PIAS2: variants seen among roughly 807,000 people sequenced by gnomAD.
PIAS2 encodes the protein E3 SUMO-protein ligase PIAS2.
In PIAS2, 19 loss-of-function variants were observed where a neutral mutation model predicts 69.7. The ratio of observed to expected loss-of-function variants is 0.27; its 90% confidence interval spans 0.19 to 0.40. The LOEUF is 0.40. Among genes scored for constraint, PIAS2 ranks in the 10% least tolerant of loss-of-function variants. The probability of loss-of-function intolerance (pLI) is 1.00; values close to 1 mark genes in which losing one functional copy is unlikely to be tolerated. For synonymous variants in PIAS2, 261 were observed against 263.2 expected (o/e 0.99, Z 0.08); for missense variants, 624 against 757.0 (o/e 0.82, Z 2.06).
chr18:46,881,989 C>T (rs2052346148), intron 2 of PIAS2, among the ~76,000 whole-genome samples: 1 of 151,852 alleles, frequency 6.6e-6, no homozygotes, highest in Non-Finnish European at 1.5e-5. Flanking sequence ...CCCAGCTACT[C>T]GGGAGGCTGA....
chr18:46,832,795 G>C (rs552224169), intron 9 of PIAS2, among the ~76,000 whole-genome samples: 4 of 151,530 alleles, frequency 2.6e-5, no homozygotes, highest in Non-Finnish European at 5.9e-5. Flanking sequence ...GGGAGGCTGA[G>C]GCAGGAGAAT....
Position 46,805,543 on chromosome 18 carries a change from G to C in PIAS2, c.*6890C>G, listed in dbSNP as rs575051566. 4 of 152,310 alleles carry C rather than the reference G, an allele frequency of 2.6e-5. No individual in the cohort carries two copies. Among genetic ancestry groups the C allele is most frequent in the African/African-American group, 9.6e-5 (4 of 41,548 alleles). 9.4% of individuals were successfully genotyped at this position (152,310 alleles called of 1,614,324 possible). A position where few individuals can be genotyped will look rare whatever the true frequency, so the allele number is the denominator to read the frequency against. ...TTAGAGACGTGTAACGATGCAGTAGGGGGGAAGGACAGCAACCACTGTATC... is the reference window on the plus strand; with the variant it reads ...TTAGAGACGTGTAACGATGCAGTAGCGGGGAAGGACAGCAACCACTGTATC... On this transcript the variant is annotated 3_prime_UTR_variant, in exon 14 of 14. Coordinates refer to ENST00000585916, the MANE Select transcript of PIAS2 (RefSeq NM_004671.5).
chr18:46,906,000 G>A lies in PIAS2; in HGVS notation c.24+11322C>T, dbSNP rs1462390559. ...GAAAAAAAGGAACAGATAGATCAGG[G>A]TTGAATTTATACTTGCAACACAAAG... On this transcript the variant is annotated intron_variant, in intron 1 of 13. Transcript: ENST00000585916. 7 of 152,108 alleles carry A rather than the reference G, an allele frequency of 4.6e-5. No individual in the cohort carries two copies. The East Asian group carries it at 1.4e-3, about 29-fold the overall frequency. 9.4% of individuals were successfully genotyped at this position (152,108 alleles called of 1,614,324 possible). A position where few individuals can be genotyped will look rare whatever the true frequency, so the allele number is the denominator to read the frequency against.
At position 46,824,634 on chromosome 18, in the gene PIAS2, C is replaced by T. The variant is rs2042590134; in HGVS notation, c.1508+3325G>A. On this transcript the variant is annotated intron_variant, in intron 11 of 13. Transcript: ENST00000585916. Reference sequence around the variant, plus strand: ...TTCTCTCTAGGTGAGATATTTTTTGCTTTCTTCTTGGTGCTTTGTAAAATT... The same window carrying T: ...TTCTCTCTAGGTGAGATATTTTTTGTTTTCTTCTTGGTGCTTTGTAAAATT... Among the ~76,000 whole-genome samples the T allele has an allele frequency of 2.6e-5, 4 of 152,134 alleles. No individual in the cohort carries two copies. In the South Asian group the frequency reaches 8.3e-4, roughly 32 times the overall value.
At chr18:46,823,601 T>C (rs2042442944) in intron 11 of PIAS2, among the ~76,000 whole-genome samples, 2 of 152,202 alleles carry the variant, frequency 1.3e-5, no homozygotes, top group Admixed American at 1.3e-4. Flanking sequence ...TACTCCTTAC[T>C]TAGGCAACAC....
At chr18:46,880,213 T>C (rs2051985724) in intron 2 of PIAS2, among the ~76,000 whole-genome samples, 1 of 151,650 alleles carries the variant, frequency 6.6e-6, no homozygotes, top group African/African-American at 2.4e-5. Context: ...CTAGGGAAGA[T>C]GGCAAGACCT....
At position 46,815,466 on chromosome 18, in the gene PIAS2, T is replaced by C. The variant is rs2041411316; in HGVS notation, c.1649-117A>G. The C allele has an allele frequency of 1.9e-6, 3 of 1,549,854 alleles. No individual in the cohort carries two copies. The East Asian group carries it at 6.9e-5, about 36-fold the overall frequency. ...TTTGTGGTAAGTGCTTACCACTCTGTCACAGAGAAGTTCTATACCATGATC... is the reference window on the plus strand; with the variant it reads ...TTTGTGGTAAGTGCTTACCACTCTGCCACAGAGAAGTTCTATACCATGATC... On this transcript the variant is annotated intron_variant, in intron 12 of 13. Transcript: ENST00000585916.
intron 2 of PIAS2, among the ~76,000 whole-genome samples, chr18:46,869,435 C>T (rs1821346536): frequency 6.6e-6 from 1 of 151,182 alleles, no homozygotes. Context: ...GGGATTGAGC[C>T]TCAGCAAGCC....
intron 1 of PIAS2, among the ~76,000 whole-genome samples, chr18:46,900,256 G>A (rs983692632): frequency 2.6e-5 from 4 of 151,906 alleles, no homozygotes; most frequent in Non-Finnish European, 4.4e-5. Flanking sequence ...CCAGCTACTC[G>A]GGAGGCTGAG....
In PIAS2 at chr18:46,810,441, A is replaced by G. The variant is rs758343878; in HGVS notation, c.*1992T>C. The stretch of plus-strand genomic sequence containing the variant: ...CAGAGTCAATAAATATTGCATCTGT[A>G]TTTAGAGCAGCAACATAAAACTTTA... On this transcript the variant is annotated 3_prime_UTR_variant, in exon 14 of 14. Transcript: ENST00000585916. 10 of 152,154 alleles carry G rather than the reference A, an allele frequency of 6.6e-5. No individual in the cohort carries two copies. Among genetic ancestry groups the G allele is most frequent in the Admixed American group, 1.3e-4 (2 of 15,278 alleles). The allele number at this position is 152,154 out of a possible 1,614,324, so 9.4% of individuals were successfully genotyped here.
At chr18:46,858,683 G>C (rs2048208320) in intron 3 of PIAS2, among the ~76,000 whole-genome samples, 1 of 152,154 alleles carries the variant, frequency 6.6e-6, no homozygotes, top group Non-Finnish European at 1.5e-5. Flanking sequence ...GGGTGACAGA[G>C]CAAGACCCTG....
At chr18:46,836,757 T>C (rs1016543774) in intron 8 of PIAS2, among the ~76,000 whole-genome samples, 1 of 152,204 alleles carries the variant, frequency 6.6e-6, no homozygotes, top group African/African-American at 2.4e-5. Flanking sequence ...TCCAGATTCA[T>C]ATACATTGAA....
In PIAS2 at chr18:46,805,435, C is replaced by T. The variant is rs1003864115; in HGVS notation, c.*6998G>A. The T allele has an allele frequency of 6.6e-6, 1 of 152,166 alleles. No homozygotes were observed. Among genetic ancestry groups the T allele is most frequent in the African/African-American group, 2.4e-5 (1 of 41,426 alleles). The allele number at this position is 152,166 out of a possible 1,614,324, so 9.4% of individuals were successfully genotyped here. A position where few individuals can be genotyped will look rare whatever the true frequency, so the allele number is the denominator to read the frequency against. On this transcript the variant is annotated 3_prime_UTR_variant, in exon 14 of 14. Transcript: ENST00000585916. Reference sequence around the variant, plus strand: ...CTGTGAGTCAAAGCTTCCAGCAAATCAAAGGGAATGATCAGGCAGTTATAA... The same window carrying T: ...CTGTGAGTCAAAGCTTCCAGCAAATTAAAGGGAATGATCAGGCAGTTATAA...
At chr18:46,883,457 C>T (rs1211328065) in intron 2 of PIAS2, among the ~76,000 whole-genome samples, 1 of 152,036 alleles carries the variant, frequency 6.6e-6, no homozygotes, top group Non-Finnish European at 1.5e-5. Flanking sequence ...AATCCCAGCA[C>T]TTTGGGGGGC....
chr18:46,823,678 C>T (rs2042455431), intron 11 of PIAS2, among the ~76,000 whole-genome samples: 1 of 152,210 alleles, frequency 6.6e-6, no homozygotes, highest in Non-Finnish European at 1.5e-5. Flanking sequence ...AGTAAATCAA[C>T]ATCTAAAACC....
At chr18:46,855,102 T>TAAA in intron 5 of PIAS2, among the ~76,000 whole-genome samples, 1 of 42,412 alleles carries the variant, frequency 2.4e-5, no homozygotes, top group Non-Finnish European at 4.9e-5. Context: ...CCTTGTCTCT[T>TAAA]TAAAAAAAAA....
At chr18:46,864,653 C>A (rs772921647) in intron 2 of PIAS2, among the ~76,000 whole-genome samples, 5 of 151,876 alleles carry the variant, frequency 3.3e-5, no homozygotes, top group African/African-American at 1.2e-4. Flanking sequence ...GCCTGTAATG[C>A]CAGCTACATG....
chr18:46,853,502 A>T (rs1032437497), intron 5 of PIAS2: 2 of 152,208 alleles, frequency 1.3e-5, no homozygotes, highest in African/African-American at 4.8e-5. Context: ...CTAGCCAAAT[A>T]AAAGATAGGC....
rs567159718 is a variant in PIAS2, at chr18:46,892,495, AG to A, written c.25-1442del. ...CACATTAAAAAAACTAATTTAGGCCAGGAACAGTGGCTCACACCTATAATCC... is the reference window on the plus strand; with the variant it reads ...CACATTAAAAAAACTAATTTAGGCCAGAACAGTGGCTCACACCTATAATCC... On this transcript the variant is annotated intron_variant, in intron 1 of 13. Coordinates refer to ENST00000585916, the MANE Select transcript of PIAS2 (RefSeq NM_004671.5). 9.2e-3 allele frequency among the ~76,000 whole-genome samples: 1,406 copies of A among 152,296 alleles called. 9 individuals are homozygous for A. The highest frequency in any genetic ancestry group is 0.016 in the South Asian group (75 of 4,824).
Sources: allele counts gnomAD v4.1 joint callset (sites outside exome capture counted in the v4.1 genomes callset), GRCh38; gene constraint gnomAD v4.1.1; transcripts MANE v1.5; gene names NCBI Gene and HGNC (gene_info 2026-07-23, HGNC 2026-07-21).